The following ATF3 variants were observed in gnomAD, a reference collection of about 807,000 sequenced individuals.
ATF3 encodes the protein activating transcription factor 3.
Under a neutral mutation model 18.4 loss-of-function variants are expected in ATF3, and 10 were observed. The observed-to-expected ratio is 0.54, with a 90% CI of 0.34 to 0.92. The LOEUF is 0.92. ATF3 is among the 40% of genes least tolerant of loss of function. The probability of loss-of-function intolerance (pLI) is 0.02; values close to 1 mark genes in which losing one functional copy is unlikely to be tolerated. For missense variants in ATF3, 183 were observed against 222.3 expected, an observed-to-expected ratio of 0.82 and a Z score of 1.12; for synonymous variants, 78 against 87.9, an observed-to-expected ratio of 0.89 and a Z score of 0.63.
intron 1 of ATF3, among the ~76,000 whole-genome samples, chr1:212,585,034 C>A (rs1397194103): frequency 6.6e-6 from 1 of 152,142 alleles, no homozygotes; most frequent in Non-Finnish European, 1.5e-5. Context: ...CTGTCAGATA[C>A]CAAAAGGAGG....
chr1:212,569,028 T>G (rs573917180), intron 1 of ATF3, among the ~76,000 whole-genome samples: 2 of 152,338 alleles, frequency 1.3e-5, no homozygotes, highest in East Asian at 3.9e-4. Context: ...TGCTGAAGGA[T>G]CTAAATGTTT....
intron 1 of ATF3, among the ~76,000 whole-genome samples, chr1:212,578,730 A>G (rs1162166378): frequency 1.3e-5 from 2 of 151,944 alleles, no homozygotes; most frequent in African/African-American, 4.8e-5. Context: ...GGGGAAAGTG[A>G]TGTTTGTTTT....
Position 212,574,103 on chromosome 1 carries a change from T to C in ATF3, c.-5+8620T>C, listed in dbSNP as rs149651729. Among the ~76,000 whole-genome samples, 914 of 152,046 alleles carry C rather than the reference T, an allele frequency of 6.0e-3. 9 individuals carry two copies. Among genetic ancestry groups the C allele is most frequent in the African/African-American group, 0.021 (882 of 41,564 alleles). ...TCTACTGATTTCTTAGGGATTTTGTTGTCATTGTTGTTTTTATAAACCCTT... is the reference window on the plus strand; with the variant it reads ...TCTACTGATTTCTTAGGGATTTTGTCGTCATTGTTGTTTTTATAAACCCTT... On this transcript the variant is annotated intron_variant, in intron 1 of 3. Transcript: ENST00000366981.
intron 1 of ATF3, among the ~76,000 whole-genome samples, chr1:212,614,604 G>A (rs1361710531): frequency 2.9e-4 from 40 of 138,378 alleles, no homozygotes; most frequent in Admixed American, 2.8e-3. Flanking sequence ...AAAAAAAAAA[G>A]AGAGAGAGAG....
chr1:212,580,081 C>T (rs931255471), intron 1 of ATF3, among the ~76,000 whole-genome samples: 2 of 151,488 alleles, frequency 1.3e-5, no homozygotes, highest in African/African-American at 4.9e-5. Context: ...AGGCTTGAAC[C>T]TGGGAGGCGG....
intron 1 of ATF3, among the ~76,000 whole-genome samples, chr1:212,601,237 G>A (rs1011370618): frequency 3.9e-5 from 6 of 152,212 alleles, no homozygotes; most frequent in Non-Finnish European, 8.8e-5. Flanking sequence ...GCTTATGTTT[G>A]TGGTTAAAGC....
At chr1:212,592,217 T>A (rs1664900870) in intron 1 of ATF3, among the ~76,000 whole-genome samples, 1 of 152,146 alleles carries the variant, frequency 6.6e-6, no homozygotes, top group Admixed American at 6.5e-5. Flanking sequence ...ATTTGACCAT[T>A]CCAGACACTT....
At chr1:212,598,264 G>T (rs72756371) in intron 1 of ATF3, among the ~76,000 whole-genome samples, 16,109 of 151,664 alleles carry the variant, frequency 0.11, 995 homozygotes, top group Middle Eastern at 0.19. Context: ...TTTATTTATA[G>T]CTTTTATTGA....
At chr1:212,588,104 T>A (rs1664813176) in intron 1 of ATF3, among the ~76,000 whole-genome samples, 1 of 152,134 alleles carries the variant, frequency 6.6e-6, no homozygotes, top group African/African-American at 2.4e-5. Flanking sequence ...CCTCGGTAGC[T>A]TCTTCTACCC....
intron 1 of ATF3, among the ~76,000 whole-genome samples, chr1:212,609,454 G>A (rs1487934472): frequency 2.0e-5 from 3 of 152,162 alleles, no homozygotes; most frequent in Non-Finnish European, 4.4e-5. Flanking sequence ...GGAATGAATG[G>A]GGAAGGGGCG....
At chr1:212,605,543 G>A (rs1044513897), upstream of ATF3, among the ~76,000 whole-genome samples, 4 of 152,398 alleles carry the variant, frequency 2.6e-5, no homozygotes, top group South Asian at 6.2e-4. Flanking sequence ...AGGGTTTAGA[G>A]AACAGAGTAA....
Position 212,618,357 on chromosome 1 carries a change from TA to T in ATF3, c.348+124del, listed in dbSNP as rs1655224525. ...TTATAGTTTCCCAAGAAGGGCCTTG[TA>T]GCTGGTAGCAGAAATGCCAGTTGCA... On this transcript the variant is annotated intron_variant, in intron 3 of 3. Coordinates refer to ENST00000341491, the MANE Select transcript of ATF3 (RefSeq NM_001674.4). This position sits in a 1 kb window ranked among gnomAD's most constrained non-coding sequence, Gnocchi z 4.4. 5 of 979,632 alleles carry T rather than the reference TA, an allele frequency of 5.1e-6. No homozygotes were observed. Among genetic ancestry groups the T allele is most frequent in the Non-Finnish European group, 8.2e-6 (5 of 609,286 alleles). The allele number at this position is 979,632 out of a possible 1,614,324, so 60.7% of individuals were successfully genotyped here.
intron 1 of ATF3, among the ~76,000 whole-genome samples, chr1:212,588,896 G>A (rs557943132): frequency 1.0e-3 from 153 of 152,004 alleles, no homozygotes; most frequent in African/African-American, 3.5e-3. Context: ...TATTTTAGTC[G>A]CCTTCATACT....
intron 1 of ATF3, among the ~76,000 whole-genome samples, chr1:212,581,126 A>G (rs1455753097): frequency 2.0e-5 from 3 of 152,240 alleles, no homozygotes; most frequent in African/African-American, 4.8e-5. Context: ...ATGGGAAGAC[A>G]AAACTTTTGA....
chr1:212,602,175 C>T (rs1349016033), intron 1 of ATF3, among the ~76,000 whole-genome samples: 1 of 152,140 alleles, frequency 6.6e-6, no homozygotes, highest in Non-Finnish European at 1.5e-5. Flanking sequence ...TTTCTGCCAT[C>T]CCTGGCTTCT....
upstream of ATF3, among the ~76,000 whole-genome samples, chr1:212,607,421 T>A (rs926401665): frequency 4.6e-5 from 7 of 152,156 alleles, no homozygotes; most frequent in Admixed American, 4.6e-4. Flanking sequence ...TCAAGAAGGT[T>A]CCTTGGTTCT....
intron 2 of ATF3, among the ~76,000 whole-genome samples, chr1:212,615,893 G>C (rs1262328748): frequency 3.3e-5 from 5 of 150,878 alleles, no homozygotes; most frequent in African/African-American, 1.2e-4. Flanking sequence ...GGGCTCAAGC[G>C]ATCCTCCTGC....
intron 1 of ATF3, among the ~76,000 whole-genome samples, chr1:212,570,378 C>T (rs1366743808): frequency 2.0e-5 from 3 of 151,960 alleles, no homozygotes; most frequent in Non-Finnish European, 2.9e-5. Flanking sequence ...GGGAAATGCA[C>T]AAATCTTAAA....
intron 1 of ATF3, among the ~76,000 whole-genome samples, chr1:212,613,147 C>G (rs1043363355): frequency 6.6e-6 from 1 of 152,118 alleles, no homozygotes; most frequent in African/African-American, 2.4e-5. Flanking sequence ...TGCTCACACT[C>G]CCAGAAGGCA....
Sources: allele counts gnomAD v4.1 joint callset (sites outside exome capture counted in the v4.1 genomes callset), GRCh38; gene constraint gnomAD v4.1.1; non-coding constraint Gnocchi (gnomAD v3.1); transcripts MANE v1.5; gene names NCBI Gene and HGNC (gene_info 2026-07-23, HGNC 2026-07-21).